MASP1: variants seen among roughly 807,000 people sequenced by gnomAD.
The protein encoded by MASP1 is MBL associated serine protease 1, also known as mannan-binding lectin serine protease 1.
MASP1 carries 59 observed loss-of-function variants against 77.1 expected under a neutral mutation model. The ratio of observed to expected loss-of-function variants is 0.77; its 90% confidence interval spans 0.62 to 0.95. MASP1 has a LOEUF of 0.95. Ranked by LOEUF, MASP1 falls within the 40% of genes least tolerant of loss-of-function variation. The probability of loss-of-function intolerance (pLI) is 0.00; values close to 1 mark genes in which losing one functional copy is unlikely to be tolerated. For synonymous variants in MASP1, 362 were observed against 354.5 expected (o/e 1.02, Z -0.24); for missense variants, 885 against 912.9 (o/e 0.97, Z 0.39).
At chr3:187,221,018 C>T (rs1430206141) in intron 15 of MASP1, 1 of 1,608,118 alleles carries the variant, frequency 6.2e-7, no homozygotes, top group Admixed American at 1.7e-5. Flanking sequence ...CTGTTGTATG[C>T]CAGCCTCTTA....
chr3:187,286,020 C>T lies in MASP1; in HGVS notation c.42G>A (p.Leu14=), dbSNP rs776166944. 2.5e-6 allele frequency: 4 copies of T among 1,614,068 alleles called. No homozygotes were observed. The South Asian group carries it at 3.3e-5, about 13-fold the overall frequency. Reference sequence around the variant, plus strand: ...CCACGGTGTGGGCTGAAGCCTTTGACAGGGAGAAGCACAGAGCATAATAGA... The same window carrying T: ...CCACGGTGTGGGCTGAAGCCTTTGATAGGGAGAAGCACAGAGCATAATAGA... ...LLLYYALCFS[L]SKASAHTVEL... Residue 14 remains leucine (L), a synonymous_variant, in exon 2 of 11, where the codon CTG becomes CTA. Coordinates refer to ENST00000296280, the MANE Select transcript of MASP1 (RefSeq NM_139125.4).
intron 12 of MASP1, among the ~76,000 whole-genome samples, chr3:187,226,067 T>C (rs192473442): frequency 6.6e-6 from 1 of 152,350 alleles, no homozygotes; most frequent in African/African-American, 2.4e-5. Flanking sequence ...CAGCTGGTCA[T>C]CTGATTTTAT....
exon 16 of MASP1, chr3:187,217,724 G>C (rs1711845618): frequency 6.6e-6 from 1 of 152,204 alleles, no homozygotes; most frequent in African/African-American, 2.4e-5. Flanking sequence ...AGCAGTGCAG[G>C]AGCTGGCACA....
chr3:187,266,482 A>C (rs879353849), intron 2 of MASP1, among the ~76,000 whole-genome samples: 8 of 152,236 alleles, frequency 5.3e-5, no homozygotes, highest in Admixed American at 4.6e-4. Context: ...GATTGAATCC[A>C]GCTGAGGGAA....
intron 4 of MASP1, 104 bp from the exon 5 acceptor site, chr3:187,256,964 C>G (rs1210115073): frequency 8.3e-6 from 8 of 967,802 alleles, no homozygotes; most frequent in Non-Finnish European, 9.8e-6. Context: ...AAGCAGTAGA[C>G]AGGGAAGGTA....
downstream of MASP1, among the ~76,000 whole-genome samples, chr3:187,233,335 C>G (rs1051274164): frequency 2.6e-5 from 4 of 152,104 alleles, no homozygotes; most frequent in Admixed American, 6.5e-5. Context: ...AAAACTCTTC[C>G]CACTCAATGC....
At chr3:187,221,718 G>A (rs1029379573) in intron 14 of MASP1, among the ~76,000 whole-genome samples, 2 of 152,140 alleles carry the variant, frequency 1.3e-5, no homozygotes, top group Non-Finnish European at 2.9e-5. Flanking sequence ...TTGTTATGTT[G>A]TCCTCCCTCT....
chr3:187,247,836 G>A (rs938978080), intron 8 of MASP1, among the ~76,000 whole-genome samples: 5 of 152,188 alleles, frequency 3.3e-5, no homozygotes, highest in African/African-American at 1.2e-4. Context: ...TGGAAGCAGA[G>A]ATTCCAGCTG....
chr3:187,260,105 C>T (rs1341089023), intron 4 of MASP1, among the ~76,000 whole-genome samples: 1 of 152,156 alleles, frequency 6.6e-6, no homozygotes, highest in Admixed American at 6.5e-5. Flanking sequence ...GACCATAAGA[C>T]ACTTCACCAT....
chr3:187,246,143 G>A (rs139889667), intron 8 of MASP1, among the ~76,000 whole-genome samples: 130 of 152,332 alleles, frequency 8.5e-4, no homozygotes, highest in African/African-American at 3.0e-3. Context: ...CCACCCTGAA[G>A]TCCTGATGAA....
In MASP1 at chr3:187,236,503, A is replaced by C. The variant is rs1204020918; in HGVS notation, c.1368T>G (p.Ala456=). 5.0e-6 allele frequency: 8 copies of C among 1,613,918 alleles called. No homozygotes were observed. In the African/African-American group the frequency reaches 1.1e-4, roughly 22 times the overall value. The change falls in exon 11 of 11, where the codon GCT becomes GCG. Residue 456 remains alanine, a synonymous_variant. Transcript: ENST00000296280. ...CCTGCCACGGGAAGAGGCCAGGCTC[A>C]GCATTTCGGCCCCCAATGATCCTCT... ...LVKRIIGGRN[A]EPGLFPWQAL... is the part of the protein sequence containing the mutation.
At chr3:187,288,106 A>G (rs970533625) in intron 1 of MASP1, among the ~76,000 whole-genome samples, 28 of 152,226 alleles carry the variant, frequency 1.8e-4, no homozygotes, top group African/African-American at 6.3e-4. Flanking sequence ...ATAAAAAGAA[A>G]ATACATTTAT....
intron 14 of MASP1, chr3:187,221,206 C>A (rs922823132): frequency 1.8e-6 from 2 of 1,081,870 alleles, no homozygotes; most frequent in African/African-American, 3.1e-5. Context: ...CCCCTGAAGA[C>A]GGCTCCTCTC....
chr3:187,252,443 C>A (rs1714696715), intron 6 of MASP1, among the ~76,000 whole-genome samples: 3 of 152,164 alleles, frequency 2.0e-5, no homozygotes, highest in Admixed American at 2.0e-4. Context: ...ATCTGACAGG[C>A]TCTTCAGGCC....
At chr3:187,246,584 C>G (rs1399655433) in intron 8 of MASP1, 1 of 985,508 alleles carries the variant, frequency 1.0e-6, no homozygotes, top group Non-Finnish European at 1.2e-6. Context: ...GAGATTCCAG[C>G]TGCCACTCCC....
intron 3 of MASP1, 110 bp from the exon 4 acceptor site, chr3:187,260,982 C>G (rs545599610): frequency 4.0e-6 from 5 of 1,245,694 alleles, no homozygotes; most frequent in Non-Finnish European, 5.9e-6. Context: ...GAGATTCATG[C>G]GTTCTCTCAT....
chr3:187,251,620 G>T lies in MASP1; in HGVS notation c.1011+14C>A. On this transcript the variant is annotated intron_variant, in intron 7 of 10. Coordinates refer to ENST00000296280, the MANE Select transcript of MASP1 (RefSeq NM_139125.4). ...TGGCCTGGTCACTCCCCTTTCCCAG[G>T]CAAGGCTCTGCACCTTCAGCACTTT... 6.2e-7 allele frequency: 1 copy of T among 1,608,994 alleles called. No homozygotes were observed. Among genetic ancestry groups the T allele is most frequent in the Non-Finnish European group, 8.5e-7 (1 of 1,175,426 alleles).
intron 2 of MASP1, among the ~76,000 whole-genome samples, chr3:187,263,449 G>A (rs1715771791): frequency 6.6e-6 from 1 of 152,210 alleles, no homozygotes. Flanking sequence ...TCTGTGAACA[G>A]TGAGTAGCCA....
rs556931986 is a variant in MASP1 at position 187,251,134 on chromosome 3, T to C, written c.1011+500A>G. 1.6e-4 allele frequency among the ~76,000 whole-genome samples: 24 copies of C among 152,216 alleles called. No individual in the cohort carries two copies. The South Asian group carries it at 4.8e-3, about 30-fold the overall frequency. On this transcript the variant is annotated intron_variant, in intron 7 of 10. Coordinates refer to ENST00000296280, the MANE Select transcript of MASP1 (RefSeq NM_139125.4). ...CCACCACACCTGGCTATTTTTTGTA[T>C]TATTTAGTAGAGATAGGGTTTTGCC...
Sources: allele counts gnomAD v4.1 joint callset (sites outside exome capture counted in the v4.1 genomes callset), GRCh38; gene constraint gnomAD v4.1.1; transcripts MANE v1.5; gene names NCBI Gene and HGNC (gene_info 2026-07-23, HGNC 2026-07-21).